The following ADORA1 variants were observed in gnomAD, a reference collection of about 807,000 sequenced individuals.
The protein encoded by ADORA1 is adenosine receptor A1.
A neutral mutation model predicts 19.9 loss-of-function variants in ADORA1; 6 were observed. The observed-to-expected ratio is 0.30, with a 90% confidence interval of 0.17 to 0.59. The LOEUF is 0.59. ADORA1 is among the 20% of genes least tolerant of loss of function. The pLI is 0.87. For synonymous variants in ADORA1, 194 were observed against 188.4 expected (o/e 1.03, Z -0.24); for missense variants, 302 against 439.2 (o/e 0.69, Z 2.79).
rs371277144 is a variant in ADORA1 at position 203,149,872 on chromosome 1, CT to C, written c.342-15379del. 23 of 148,410 alleles carry C rather than the reference CT, an allele frequency of 1.5e-4. No individual in the cohort carries two copies. In the East Asian group the frequency reaches 1.6e-3, roughly 10 times the overall value. The allele number at this position is 148,410 out of a possible 1,614,324, so 9.2% of individuals were successfully genotyped here. ...GTTTTCTAGTCATTATATTTGTTTTCTTTTTTTTTTGCTTCTCTTTTTCTGC... is the reference window on the plus strand; with the variant it reads ...GTTTTCTAGTCATTATATTTGTTTTCTTTTTTTTTGCTTCTCTTTTTCTGC... On this transcript the variant is annotated intron_variant, in intron 3 of 3. Coordinates refer to ENST00000337894, the MANE Select transcript of ADORA1 (RefSeq NM_000674.3).
chr1:203,150,812 C>G (rs781355227), intron 3 of ADORA1: 49 of 1,158,428 alleles, frequency 4.2e-5, no homozygotes, highest in Admixed American at 2.4e-4. Flanking sequence ...CTGTCCTCCC[C>G]CTATCTGCTG....
chr1:203,164,279 A>C (rs973530909), intron 3 of ADORA1, among the ~76,000 whole-genome samples: 1 of 152,038 alleles, frequency 6.6e-6, no homozygotes, highest in Non-Finnish European at 1.5e-5. Flanking sequence ...TGTCTTGTTT[A>C]TTTTCTTGCT....
intron 3 of ADORA1, among the ~76,000 whole-genome samples, chr1:203,143,525 T>C (rs909252061): frequency 6.7e-6 from 1 of 150,228 alleles, no homozygotes; most frequent in Non-Finnish European, 1.5e-5. Flanking sequence ...GTGTGTGTAT[T>C]CACATATGCA....
intron 3 of ADORA1, among the ~76,000 whole-genome samples, chr1:203,133,249 A>G (rs1274709060): frequency 6.6e-6 from 1 of 152,060 alleles, no homozygotes; most frequent in South Asian, 2.1e-4. Flanking sequence ...GAGTAGCTAG[A>G]ATTACAGGTG....
At chr1:203,133,395 G>A (rs968168634) in intron 3 of ADORA1, among the ~76,000 whole-genome samples, 11 of 152,294 alleles carry the variant, frequency 7.2e-5, no homozygotes, top group African/African-American at 1.7e-4. Flanking sequence ...GATTACAGGC[G>A]TGAGCCACCT....
At chr1:203,150,640 AGTG>A (rs1655001718) in intron 3 of ADORA1, 1 of 1,289,740 alleles carries the variant, frequency 7.8e-7, no homozygotes. Flanking sequence ...AGGTCCCAAA[AGTG>A]GTGTCTTCTT....
chr1:203,161,873 C>G (rs1655381026), intron 3 of ADORA1, among the ~76,000 whole-genome samples: 1 of 151,716 alleles, frequency 6.6e-6, no homozygotes, highest in African/African-American at 2.4e-5. Context: ...CCGCGCCCGG[C>G]CCCCTCAGGG....
At chr1:203,133,736 G>T (rs1249856608) in intron 3 of ADORA1, among the ~76,000 whole-genome samples, 3 of 152,248 alleles carry the variant, frequency 2.0e-5, no homozygotes, top group African/African-American at 7.2e-5. Flanking sequence ...TCCTGCCTCT[G>T]TCCATAGCTT....
At chr1:203,149,196 C>G (rs541743670) in intron 3 of ADORA1, among the ~76,000 whole-genome samples, 1 of 152,250 alleles carries the variant, frequency 6.6e-6, no homozygotes, top group Admixed American at 6.5e-5. Context: ...CTTTTTCCAG[C>G]TCTGAGCACA....
Position 203,165,975 on chromosome 1 carries a change from G to T in ADORA1, c.*75G>T. 3 of 1,484,566 alleles carry T rather than the reference G, an allele frequency of 2.0e-6. No individual in the cohort carries two copies. Among genetic ancestry groups the T allele is most frequent in the Non-Finnish European group, 2.7e-6 (3 of 1,123,030 alleles). 92.0% of individuals were successfully genotyped at this position (1,484,566 alleles called of 1,614,324 possible). ...GTCCTCACATGCCCGCTGTCCCAGG[G>T]GTCTCCCTGAGCCTGCCCCAGCTGG... On this transcript the variant is annotated 3_prime_UTR_variant, in exon 4 of 4. Coordinates refer to ENST00000337894, the MANE Select transcript of ADORA1 (RefSeq NM_000674.3). This position sits in a 1 kb window ranked among gnomAD's most constrained non-coding sequence, Gnocchi z 5.9.
chr1:203,131,809 T>G (rs1654348403), intron 3 of ADORA1, among the ~76,000 whole-genome samples: 1 of 152,196 alleles, frequency 6.6e-6, no homozygotes, highest in Non-Finnish European at 1.5e-5. Context: ...CCCCTCTACG[T>G]GGCTGGAGTC....
Position 203,166,125 on chromosome 1 carries a change from G to A in ADORA1, c.*225G>A, listed in dbSNP as rs202107001. On this transcript the variant is annotated 3_prime_UTR_variant, in exon 4 of 4. Coordinates refer to ENST00000337894, the MANE Select transcript of ADORA1 (RefSeq NM_000674.3). ...AGGCCTGGGAGGGCAAGGGTCCTAC[G>A]GAGGGACCAGGTGTCTAGAGGCAAC... 3.9e-5 allele frequency: 19 copies of A among 488,356 alleles called. No homozygotes were observed. The highest frequency in any genetic ancestry group is 1.5e-4 in the Admixed American group (4 of 25,836). 30.3% of individuals were successfully genotyped at this position (488,356 alleles called of 1,614,324 possible).
intron 3 of ADORA1, among the ~76,000 whole-genome samples, chr1:203,142,899 C>T (rs1384811210): frequency 1.3e-5 from 2 of 152,128 alleles, no homozygotes; most frequent in African/African-American, 2.4e-5. Flanking sequence ...ACTCAGCAGG[C>T]TGTGCCCAGC....
chr1:203,159,675 C>A (rs974235587), intron 3 of ADORA1, among the ~76,000 whole-genome samples: 7 of 152,176 alleles, frequency 4.6e-5, no homozygotes, highest in Non-Finnish European at 2.9e-5. Context: ...ATATCTATTG[C>A]CTGTTTCTCT....
chr1:203,131,616 C>T (rs1301418762), intron 3 of ADORA1, among the ~76,000 whole-genome samples: 1 of 152,202 alleles, frequency 6.6e-6, no homozygotes, highest in African/African-American at 2.4e-5. Flanking sequence ...GGCTCCTTGA[C>T]AGCCACACAC....
chr1:203,128,398 G>A lies in ADORA1; in HGVS notation c.-92G>A, dbSNP rs1389537119. The A allele has an allele frequency of 1.5e-6, 2 of 1,291,510 alleles. No individual in the cohort carries two copies. The highest frequency in any genetic ancestry group is 2.5e-5 in the South Asian group (2 of 81,034). The allele number at this position is 1,291,510 out of a possible 1,614,324, so 80.0% of individuals were successfully genotyped here. A position where few individuals can be genotyped will look rare whatever the true frequency, so the allele number is the denominator to read the frequency against. On this transcript the variant is annotated 5_prime_UTR_variant, in exon 2 of 4. Transcript: ENST00000337894. The surrounding 1 kb of genome is among the most constrained non-coding windows in gnomAD (Gnocchi z 5.9). The stretch of plus-strand genomic sequence containing the variant: ...TCTGTTCCCTGGAACTTTGGGCACT[G>A]CCTCTGGGACCCCTGCCGGCCAGCA...
chr1:203,144,114 A>ACACACACACACG (rs1654787535), intron 3 of ADORA1, among the ~76,000 whole-genome samples: 1 of 151,748 alleles, frequency 6.6e-6, no homozygotes, highest in Non-Finnish European at 1.5e-5. Flanking sequence ...ACACACACAC[A>ACACACACACACG]CACACACAGC....
intron 3 of ADORA1, among the ~76,000 whole-genome samples, chr1:203,155,475 G>A (rs1655172279): frequency 6.6e-6 from 1 of 152,196 alleles, no homozygotes; most frequent in African/African-American, 2.4e-5. Flanking sequence ...TGCACAGTCG[G>A]GTCTCCAACT....
chr1:203,160,792 C>G (rs1364445071), intron 3 of ADORA1, among the ~76,000 whole-genome samples: 2 of 152,210 alleles, frequency 1.3e-5, no homozygotes, highest in African/African-American at 4.8e-5. Flanking sequence ...GCCTAGGAGA[C>G]AGAGTGAGAG....
Sources: allele counts gnomAD v4.1 joint callset (sites outside exome capture counted in the v4.1 genomes callset), GRCh38; gene constraint gnomAD v4.1.1; non-coding constraint Gnocchi (gnomAD v3.1); transcripts MANE v1.5; gene names NCBI Gene and HGNC (gene_info 2026-07-23, HGNC 2026-07-21).